KCTD16: variants seen among roughly 807,000 people sequenced by gnomAD.
KCTD16 encodes potassium channel tetramerization domain containing 16.
Under a neutral mutation model 33.2 loss-of-function variants are expected in KCTD16, and 13 were observed. That is an observed-to-expected ratio of 0.39 (90% CI 0.25 to 0.62). The LOEUF is 0.62. Among genes scored for constraint, KCTD16 ranks in the 20% least tolerant of loss-of-function variants. The probability of loss-of-function intolerance (pLI) is 0.50; values close to 1 mark genes in which losing one functional copy is unlikely to be tolerated. For synonymous variants in KCTD16, 197 were observed against 195.3 expected, an observed-to-expected ratio of 1.01 and a Z score of -0.07; for missense variants, 441 against 525.1, an observed-to-expected ratio of 0.84 and a Z score of 1.57.
At chr5:144,303,704 T>C (rs1751507311) in intron 3 of KCTD16, among the ~76,000 whole-genome samples, 1 of 150,162 alleles carries the variant, frequency 6.7e-6, no homozygotes, top group African/African-American at 2.5e-5. Context: ...TAGGTGGGGG[T>C]GGGAAATGAG....
chr5:144,415,790 A>C (rs1753035281), intron 3 of KCTD16, among the ~76,000 whole-genome samples: 1 of 152,198 alleles, frequency 6.6e-6, no homozygotes, highest in African/African-American at 2.4e-5. Context: ...AGCTATTAAA[A>C]TTTTGGCAGA....
intron 3 of KCTD16, among the ~76,000 whole-genome samples, chr5:144,318,403 G>C (rs558251628): frequency 6.6e-6 from 1 of 152,296 alleles, no homozygotes; most frequent in South Asian, 2.1e-4. Flanking sequence ...GTGACAGCCA[G>C]GTGATGTTGA....
intron 3 of KCTD16, among the ~76,000 whole-genome samples, chr5:144,331,515 A>G (rs1417623937): frequency 6.6e-6 from 1 of 152,222 alleles, no homozygotes; most frequent in Non-Finnish European, 1.5e-5. Flanking sequence ...ATAATTACCC[A>G]GGAGCAGATA....
intron 3 of KCTD16, among the ~76,000 whole-genome samples, chr5:144,455,926 A>C (rs1754050882): frequency 1.3e-5 from 2 of 152,222 alleles, no homozygotes; most frequent in South Asian, 4.1e-4. Context: ...GAAATGTGAA[A>C]AATGCAAATA....
At chr5:144,301,385 G>A (rs1944800106) in intron 3 of KCTD16, among the ~76,000 whole-genome samples, 1 of 152,054 alleles carries the variant, frequency 6.6e-6, no homozygotes, top group African/African-American at 2.4e-5. Context: ...AAGACCAGAG[G>A]TAAGAAGAAA....
chr5:144,406,458 G>T (rs578060853), intron 3 of KCTD16, among the ~76,000 whole-genome samples: 1 of 152,168 alleles, frequency 6.6e-6, no homozygotes, highest in African/African-American at 2.4e-5. Flanking sequence ...CTCAATGGCA[G>T]GGTGTCTTTT....
chr5:144,273,945 G>T (rs892402931), intron 3 of KCTD16, among the ~76,000 whole-genome samples: 1 of 150,786 alleles, frequency 6.6e-6, no homozygotes, highest in Non-Finnish European at 1.5e-5. Flanking sequence ...TTTATGTTAT[G>T]TGTATTAAAA....
rs568740116 is a variant in KCTD16, at chr5:144,227,757, G to A, written c.832+20211G>A. On this transcript the variant is annotated intron_variant, in intron 3 of 3. Coordinates refer to ENST00000512467, the MANE Select transcript of KCTD16 (RefSeq NM_020768.4). The stretch of plus-strand genomic sequence containing the variant: ...GATGGCTCAGAGAAGGTCGATAGGA[G>A]TGGAAATGGTGAGAATGGTCAGTTT... Among the ~76,000 whole-genome samples, 7 of 152,302 alleles carry A rather than the reference G, an allele frequency of 4.6e-5. No individual in the cohort carries two copies. In the South Asian group the frequency reaches 1.5e-3, roughly 32 times the overall value.
At chr5:144,418,286 A>C (rs1753127814) in intron 3 of KCTD16, among the ~76,000 whole-genome samples, 1 of 152,180 alleles carries the variant, frequency 6.6e-6, no homozygotes, top group South Asian at 2.1e-4. Context: ...TGGGTTGCCA[A>C]CGGGGATTCT....
At chr5:144,375,818 C>G (rs1044899478) in intron 3 of KCTD16, among the ~76,000 whole-genome samples, 4 of 151,958 alleles carry the variant, frequency 2.6e-5, no homozygotes, top group Admixed American at 6.6e-5. Flanking sequence ...CCCTTCCTTC[C>G]TTCCTTCCTT....
intron 3 of KCTD16, among the ~76,000 whole-genome samples, chr5:144,370,182 C>A (rs1425799421): frequency 6.6e-6 from 1 of 151,910 alleles, no homozygotes; most frequent in African/African-American, 2.4e-5. Context: ...GATCCTGATC[C>A]CCTGAGGAAT....
intron 3 of KCTD16, among the ~76,000 whole-genome samples, chr5:144,330,120 G>T (rs879657903): frequency 1.3e-5 from 2 of 152,002 alleles, no homozygotes; most frequent in African/African-American, 2.4e-5. Flanking sequence ...TCACTTAAAA[G>T]AAGACATCTA....
rs145097479 is a variant in KCTD16, at chr5:144,183,202, C to G, written c.-327+8730C>G. On this transcript the variant is annotated intron_variant, in intron 2 of 3. Coordinates refer to ENST00000512467, the MANE Select transcript of KCTD16 (RefSeq NM_020768.4). ...TTGTGTTTCTGTGGATATGGTTTTA[C>G]TGTTATTACATACATTTAGAAATGT... 3.9e-3 allele frequency among the ~76,000 whole-genome samples: 594 copies of G among 152,272 alleles called. 4 individuals are homozygous for G. The highest frequency in any genetic ancestry group is 0.013 in the African/African-American group (541 of 41,548).
At chr5:144,411,586 G>A (rs1002218233) in intron 3 of KCTD16, among the ~76,000 whole-genome samples, 6 of 152,100 alleles carry the variant, frequency 3.9e-5, no homozygotes, top group African/African-American at 1.4e-4. Context: ...AAGTGTTAGA[G>A]AAAAACCTAG....
At chr5:144,398,848 T>C (rs1451949359) in intron 3 of KCTD16, among the ~76,000 whole-genome samples, 1 of 152,150 alleles carries the variant, frequency 6.6e-6, no homozygotes, top group Non-Finnish European at 1.5e-5. Flanking sequence ...AGTTTTGCAA[T>C]GTAAACACCA....
At position 144,315,700 on chromosome 5, in the gene KCTD16, T is replaced by C. The variant is rs187140878; in HGVS notation, c.832+108154T>C. Among the ~76,000 whole-genome samples the C allele has an allele frequency of 2.6e-5, 4 of 152,316 alleles. No individual in the cohort carries two copies. The East Asian group carries it at 7.7e-4, about 29-fold the overall frequency. Reference sequence around the variant, plus strand: ...GAGGGATAGAAGATTAAGTTATTTATGTAATGCCATGCAGGTAGTAAGTAG... The same window carrying C: ...GAGGGATAGAAGATTAAGTTATTTACGTAATGCCATGCAGGTAGTAAGTAG... On this transcript the variant is annotated intron_variant, in intron 3 of 3. Coordinates refer to ENST00000512467, the MANE Select transcript of KCTD16 (RefSeq NM_020768.4).
intron 3 of KCTD16, among the ~76,000 whole-genome samples, chr5:144,225,363 G>A (rs1753898033): frequency 6.6e-6 from 1 of 151,946 alleles, no homozygotes; most frequent in Admixed American, 6.6e-5. Flanking sequence ...AGAACTTCTG[G>A]GATACAATCT....
intron 3 of KCTD16, among the ~76,000 whole-genome samples, chr5:144,466,458 A>G (rs1754334901): frequency 6.6e-6 from 1 of 152,064 alleles, no homozygotes; most frequent in Non-Finnish European, 1.5e-5. Context: ...AAATATAATG[A>G]TAAAAGACCT....
At chr5:144,366,198 A>C (rs1751828634) in intron 3 of KCTD16, among the ~76,000 whole-genome samples, 1 of 152,200 alleles carries the variant, frequency 6.6e-6, no homozygotes, top group Non-Finnish European at 1.5e-5. Context: ...TAGTCATCAA[A>C]AAGCTGGCCT....
Sources: allele counts gnomAD v4.1 joint callset (sites outside exome capture counted in the v4.1 genomes callset), GRCh38; gene constraint gnomAD v4.1.1; transcripts MANE v1.5; gene names NCBI Gene and HGNC (gene_info 2026-07-23, HGNC 2026-07-21).